MYO1E: variants seen among roughly 807,000 people sequenced by gnomAD.
MYO1E encodes the protein myosin IE.
A neutral mutation model predicts 151.1 loss-of-function variants in MYO1E; 68 were observed. That is an observed-to-expected ratio of 0.45 (90% CI 0.37 to 0.55). The LOEUF (loss-of-function observed/expected upper bound fraction) is 0.55. MYO1E is among the 20% of genes least tolerant of loss of function. The pLI is 0.00. For missense variants in MYO1E, 1,363 were observed against 1,389.3 expected, an observed-to-expected ratio of 0.98 and a Z score of 0.30; for synonymous variants, 601 against 501.7, an observed-to-expected ratio of 1.20 and a Z score of -2.64.
chr15:59,314,868 G>A (rs1193309924), intron 1 of MYO1E, among the ~76,000 whole-genome samples: 4 of 152,262 alleles, frequency 2.6e-5, no homozygotes, highest in East Asian at 3.9e-4. Flanking sequence ...GGCTGAGGAG[G>A]AGGCAGCTTC....
chr15:59,308,470 G>A lies in MYO1E; in HGVS notation c.4-36021C>T, dbSNP rs189620274. ...GTGGATCACCTGAGGTCAGCAGTTC[G>A]AAACCAGCCTGGCCAACATAGCAAA... On this transcript the variant is annotated intron_variant, in intron 1 of 27. Coordinates refer to ENST00000288235, the MANE Select transcript of MYO1E (RefSeq NM_004998.4). Among the ~76,000 whole-genome samples, 224 of 151,934 alleles carry A rather than the reference G, an allele frequency of 1.5e-3. 1 individual carries two copies. Among genetic ancestry groups the A allele is most frequent in the African/African-American group, 5.1e-3 (212 of 41,422 alleles).
At chr15:59,296,842 T>TC (rs1214496458) in intron 1 of MYO1E, among the ~76,000 whole-genome samples, 3 of 144,084 alleles carry the variant, frequency 2.1e-5, no homozygotes, top group Non-Finnish European at 4.5e-5. Flanking sequence ...CTTTTTTCTT[T>TC]TTTTTTTTTT....
intron 1 of MYO1E, among the ~76,000 whole-genome samples, chr15:59,306,987 A>G (rs545407826): frequency 6.6e-6 from 1 of 152,306 alleles, no homozygotes; most frequent in African/African-American, 2.4e-5. Context: ...TGTGGGATGG[A>G]CTTCAAAGTG....
intron 1 of MYO1E, among the ~76,000 whole-genome samples, chr15:59,281,179 A>T (rs2080351062): frequency 1.3e-5 from 2 of 152,226 alleles, no homozygotes; most frequent in Admixed American, 6.5e-5. Context: ...CATTTGAAGC[A>T]GAAAGGTGTC....
intron 1 of MYO1E, among the ~76,000 whole-genome samples, chr15:59,354,148 A>G (rs1365456681): frequency 1.3e-5 from 2 of 152,224 alleles, no homozygotes; most frequent in African/African-American, 4.8e-5. Flanking sequence ...ACAGTTGAAA[A>G]AAGTTCTCTG....
chr15:59,195,688 T>C, intron 16 of MYO1E, 121 bp from the exon 17 acceptor site: 1 of 1,018,286 alleles, frequency 9.8e-7, no homozygotes, highest in Non-Finnish European at 1.5e-6. Context: ...TCATGACAAT[T>C]TGCTCGTTAA....
chr15:59,195,250 T>C (rs1359307105), intron 17 of MYO1E, among the ~76,000 whole-genome samples: 1 of 152,214 alleles, frequency 6.6e-6, no homozygotes, highest in African/African-American at 2.4e-5. Context: ...TATAAACTGC[T>C]AATGCTGAAA....
In MYO1E at chr15:59,228,220, C is replaced by T. The variant is rs533182808; in HGVS notation, c.511-630G>A. On this transcript the variant is annotated intron_variant, in intron 6 of 27. Transcript: ENST00000288235. Reference sequence around the variant, plus strand: ...ATATATAGCCAGGCGCGGTGGCTCACGCCTGTAATCCCAGCACTTTGAAGG... The same window carrying T: ...ATATATAGCCAGGCGCGGTGGCTCATGCCTGTAATCCCAGCACTTTGAAGG... Among the ~76,000 whole-genome samples the T allele has an allele frequency of 7.9e-5, 12 of 152,186 alleles. No homozygotes were observed. In the East Asian group the frequency reaches 1.5e-3, roughly 20 times the overall value.
chr15:59,330,971 C>A (rs549204721), intron 1 of MYO1E, among the ~76,000 whole-genome samples: 1 of 152,098 alleles, frequency 6.6e-6, no homozygotes, highest in Non-Finnish European at 1.5e-5. Context: ...AGTCTCCCTA[C>A]GTTGCCCATG....
chr15:59,372,414 C>G, intron 1 of MYO1E, 84 bp downstream of exon 1: 1 of 1,501,048 alleles, frequency 6.7e-7, no homozygotes, highest in Non-Finnish European at 9.0e-7. Flanking sequence ...GCCCCGGCAG[C>G]GCGCCCAAGG....
chr15:59,272,216 G>T, intron 2 of MYO1E, 90 bp downstream of exon 2: 1 of 1,469,998 alleles, frequency 6.8e-7, no homozygotes, highest in Non-Finnish European at 9.5e-7. Flanking sequence ...GATTACACAC[G>T]TGAGCCACTG....
At chr15:59,361,136 G>A (rs1375558699) in intron 1 of MYO1E, among the ~76,000 whole-genome samples, 3 of 152,184 alleles carry the variant, frequency 2.0e-5, no homozygotes, top group Admixed American at 1.3e-4. Flanking sequence ...CATGGCCCCA[G>A]CTGAGACTGG....
At chr15:59,209,866 G>A (rs1297618361) in intron 13 of MYO1E, among the ~76,000 whole-genome samples, 1 of 91,804 alleles carries the variant, frequency 1.1e-5, no homozygotes, top group Non-Finnish European at 1.9e-5. Flanking sequence ...GTCTTGCCTT[G>A]CTCTGTCACC....
At chr15:59,356,066 C>T (rs1465836702) in intron 1 of MYO1E, among the ~76,000 whole-genome samples, 2 of 152,174 alleles carry the variant, frequency 1.3e-5, no homozygotes, top group African/African-American at 4.8e-5. Flanking sequence ...TCACTGGCAA[C>T]ATATACAACA....
At chr15:59,214,742 G>A (rs370602849) in intron 10 of MYO1E, 22 bp from the exon 11 acceptor site, 4 of 1,575,882 alleles carry the variant, frequency 2.5e-6, no homozygotes, top group Non-Finnish European at 3.5e-6. Flanking sequence ...AAACAGCATG[G>A]CAGTGAACTC....
At position 59,328,357 on chromosome 15, in the gene MYO1E, C is replaced by T. The variant is rs2080678589; in HGVS notation, c.3+44141G>A. On this transcript the variant is annotated intron_variant, in intron 1 of 27. Transcript: ENST00000288235. The stretch of plus-strand genomic sequence containing the variant: ...AACTTGATCCATTGCCAGGCTCAAA[C>T]CTTCAAGACTTCTGAAAAGGAACCC... Among the ~76,000 whole-genome samples the T allele has an allele frequency of 2.0e-5, 3 of 152,176 alleles. No individual in the cohort carries two copies. In the South Asian group the frequency reaches 6.2e-4, roughly 32 times the overall value.
In MYO1E at chr15:59,220,589, C is replaced by CT. The variant is rs554713998; in HGVS notation, c.910+2469dup. On this transcript the variant is annotated intron_variant, in intron 9 of 27. Coordinates refer to ENST00000288235, the MANE Select transcript of MYO1E (RefSeq NM_004998.4). ...CACTGCAAGAGCAAGAGAAAGTCTG[C>CT]TTTTTTCCATTATAAAGGCATGGAC... Among the ~76,000 whole-genome samples the CT allele has an allele frequency of 5.0e-3, 754 of 152,100 alleles. 11 individuals carry two copies. The highest frequency in any genetic ancestry group is 0.017 in the African/African-American group (718 of 41,488).
intron 1 of MYO1E, among the ~76,000 whole-genome samples, chr15:59,358,446 A>C (rs576668568): frequency 2.9e-4 from 44 of 152,218 alleles, no homozygotes; most frequent in Non-Finnish European, 4.7e-4. Context: ...GGGAAAGAAA[A>C]GGACACTAGT....
chr15:59,160,344 T>C lies in MYO1E; in HGVS notation c.2785+729A>G, dbSNP rs893560244. Reference sequence around the variant, plus strand: ...TGGGGTTTGAGGTAGTGCGTGTGTGTGTGTGTGTGTGTGTGTGTGTGTGTG... The same window carrying C: ...TGGGGTTTGAGGTAGTGCGTGTGTGCGTGTGTGTGTGTGTGTGTGTGTGTG... On this transcript the variant is annotated intron_variant, in intron 24 of 27. Coordinates refer to ENST00000288235, the MANE Select transcript of MYO1E (RefSeq NM_004998.4). Among the ~76,000 whole-genome samples the C allele has an allele frequency of 1.5e-4, 20 of 133,692 alleles. No individual in the cohort carries two copies. The East Asian group carries it at 2.0e-3, about 13-fold the overall frequency. 87.7% of individuals were successfully genotyped at this position (133,692 alleles called of 152,430 possible).
Sources: gnomAD v4.1 joint callset for allele counts (sites outside exome capture counted in the v4.1 genomes callset) on GRCh38, gnomAD v4.1.1 for gene constraint, MANE v1.5 for transcripts, NCBI Gene and HGNC (gene_info 2026-07-23, HGNC 2026-07-21) for gene names.